DENND5A: variants seen among roughly 807,000 people sequenced by gnomAD.
DENND5A encodes the protein DENN domain-containing protein 5A.
A neutral mutation model predicts 140.3 loss-of-function variants in DENND5A; 64 were observed. The ratio of observed to expected loss-of-function variants is 0.46; its 90% CI spans 0.37 to 0.56. The LOEUF (loss-of-function observed/expected upper bound fraction) is 0.56, where lower values mean the gene tolerates loss of function less well. DENND5A is among the 20% of genes least tolerant of loss of function. The probability of loss-of-function intolerance (pLI) is 0.00; values close to 1 mark genes in which losing one functional copy is unlikely to be tolerated. For missense variants in DENND5A, 1,292 were observed against 1,593.8 expected, an observed-to-expected ratio of 0.81 and a Z score of 3.22; for synonymous variants, 605 against 607.7, an observed-to-expected ratio of 1.00 and a Z score of 0.07.
At chr11:9,196,154 T>C (rs1849321135) in intron 4 of DENND5A, among the ~76,000 whole-genome samples, 2 of 152,142 alleles carry the variant, frequency 1.3e-5, no homozygotes. Flanking sequence ...AGTTTCATCA[T>C]GTTGGCAAGG....
In DENND5A at chr11:9,259,155, G is replaced by T. The variant is rs111619184; in HGVS notation, c.109+5806C>A. 2.3e-3 allele frequency among the ~76,000 whole-genome samples: 350 copies of T among 152,172 alleles called. 2 individuals are homozygous for T. The highest frequency in any genetic ancestry group is 8.0e-3 in the African/African-American group (333 of 41,484). On this transcript the variant is annotated intron_variant, in intron 1 of 22. Transcript: ENST00000328194. ...CATGCCTGTAATCCCAGCTACTTGAGAGGCTGAGGCAGGAGAATCGCTTGA... is the reference window on the plus strand; with the variant it reads ...CATGCCTGTAATCCCAGCTACTTGATAGGCTGAGGCAGGAGAATCGCTTGA...
intron 17 of DENND5A, 42 bp from the exon 18 acceptor site, chr11:9,145,155 G>A (rs749641555): frequency 6.9e-7 from 1 of 1,443,398 alleles, no homozygotes; most frequent in East Asian, 2.3e-5. Flanking sequence ...AGGAAAATCA[G>A]AGAAAAGAAC....
At chr11:9,192,024 T>G (rs1849143619) in intron 5 of DENND5A, among the ~76,000 whole-genome samples, 1 of 152,210 alleles carries the variant, frequency 6.6e-6, no homozygotes. Context: ...TAGATTTTTT[T>G]TCCTTAATTA....
chr11:9,161,011 A>T, intron 11 of DENND5A, 146 bp from the exon 12 acceptor site: 2 of 790,050 alleles, frequency 2.5e-6, no homozygotes, highest in Admixed American at 5.1e-5. Flanking sequence ...ATATATTTAT[A>T]CCCATGTAGG....
At chr11:9,236,003 G>A (rs1850984377) in intron 1 of DENND5A, among the ~76,000 whole-genome samples, 1 of 152,126 alleles carries the variant, frequency 6.6e-6, no homozygotes, top group South Asian at 2.1e-4. Flanking sequence ...CACTTTGGGA[G>A]GACAAGACAA....
At chr11:9,264,063 C>T (rs1231889372) in intron 1 of DENND5A, among the ~76,000 whole-genome samples, 1 of 152,084 alleles carries the variant, frequency 6.6e-6, no homozygotes, top group Non-Finnish European at 1.5e-5. Flanking sequence ...CCACTTGAAA[C>T]CCACTAACTG....
chr11:9,176,626 G>A (rs774444447), intron 8 of DENND5A: 8 of 200,054 alleles, frequency 4.0e-5, no homozygotes, highest in African/African-American at 1.9e-4. Flanking sequence ...AGAAAAAGTA[G>A]AGATTATTGA....
intron 1 of DENND5A, among the ~76,000 whole-genome samples, chr11:9,212,991 C>T (rs976220218): frequency 6.9e-6 from 1 of 144,540 alleles, no homozygotes; most frequent in Non-Finnish European, 1.5e-5. Flanking sequence ...ATGTCAAGTT[C>T]CTGGTTCTGA....
At chr11:9,250,280 A>AG (rs1851665974) in intron 1 of DENND5A, among the ~76,000 whole-genome samples, 1 of 152,062 alleles carries the variant, frequency 6.6e-6, no homozygotes, top group Non-Finnish European at 1.5e-5. Flanking sequence ...CCAAAAAAAA[A>AG]AAAGTTTCTT....
At chr11:9,230,093 T>A (rs896999348) in intron 1 of DENND5A, among the ~76,000 whole-genome samples, 13 of 151,412 alleles carry the variant, frequency 8.6e-5, no homozygotes, top group African/African-American at 2.9e-4. Flanking sequence ...GTATTTTTAG[T>A]AGAGACGGGG....
chr11:9,252,332 C>G (rs1206344731), intron 1 of DENND5A, among the ~76,000 whole-genome samples: 1 of 143,942 alleles, frequency 6.9e-6, no homozygotes, highest in Non-Finnish European at 1.5e-5. Context: ...ATATAAAAAT[C>G]TGGCCGTAAT....
At chr11:9,189,052 G>A (rs185225590) in intron 5 of DENND5A, among the ~76,000 whole-genome samples, 207 of 152,288 alleles carry the variant, frequency 1.4e-3, no homozygotes, top group African/African-American at 4.1e-3. Flanking sequence ...AAGTGGTTTC[G>A]TGGGCCTGAC....
Position 9,207,723 on chromosome 11 carries a change from A to G in DENND5A, c.110-91T>C. The G allele has an allele frequency of 5.3e-6, 5 of 944,772 alleles. No homozygotes were observed. In the East Asian group the frequency reaches 7.3e-5, roughly 14 times the overall value. 58.5% of individuals were successfully genotyped at this position (944,772 alleles called of 1,614,324 possible). ...TATTCCAGTACAAATTACATTTTAC[A>G]TTATGAAACAATAAACACATACATG... On this transcript the variant is annotated intron_variant, in intron 1 of 22. Transcript: ENST00000328194.
intron 19 of DENND5A, among the ~76,000 whole-genome samples, chr11:9,143,804 GAGTCCAGAA>G (rs1423137445): frequency 1.3e-5 from 2 of 152,224 alleles, no homozygotes; most frequent in Non-Finnish European, 2.9e-5. Context: ...CAGGCAGGGG[GAGTCCAGAA>G]AGTAGGCCCC....
chr11:9,183,586 T>C (rs1197854191), intron 5 of DENND5A, among the ~76,000 whole-genome samples: 1 of 152,026 alleles, frequency 6.6e-6, no homozygotes, highest in African/African-American at 2.4e-5. Context: ...CTAATTGTTG[T>C]TGTTGAGACA....
chr11:9,142,229 A>G lies in DENND5A; in HGVS notation c.3512-121T>C, dbSNP rs150432920. On this transcript the variant is annotated intron_variant, in intron 21 of 22. Transcript: ENST00000328194. ...CAGGTAACTTAATGAGAATAGCACA[A>G]GTGTTCTGATGTCACTGGTCATGTT... 9.1e-5 allele frequency: 66 copies of G among 724,046 alleles called. No homozygotes were observed. The Middle Eastern group carries it at 1.2e-3, about 13-fold the overall frequency. The allele number at this position is 724,046 out of a possible 1,614,324, so 44.9% of individuals were successfully genotyped here. A position where few individuals can be genotyped will look rare whatever the true frequency, so the allele number is the denominator to read the frequency against.
intron 1 of DENND5A, among the ~76,000 whole-genome samples, chr11:9,227,888 C>T (rs774807598): frequency 6.6e-6 from 1 of 151,514 alleles, no homozygotes; most frequent in Non-Finnish European, 1.5e-5. Context: ...GGGCGGGTGG[C>T]GAATCACGAG....
intron 5 of DENND5A, among the ~76,000 whole-genome samples, chr11:9,188,458 T>C (rs1012842034): frequency 1.3e-5 from 2 of 152,136 alleles, no homozygotes; most frequent in Admixed American, 6.6e-5. Flanking sequence ...ACATTGAAAC[T>C]GGGTGTCAGG....
At chr11:9,148,968 CTG>C (rs1432910149) in intron 15 of DENND5A, among the ~76,000 whole-genome samples, 1 of 152,194 alleles carries the variant, frequency 6.6e-6, no homozygotes, top group Non-Finnish European at 1.5e-5. Flanking sequence ...AAAGCCAACA[CTG>C]TGCAAAGAGT....
Sources: allele counts gnomAD v4.1 joint callset (sites outside exome capture counted in the v4.1 genomes callset), GRCh38; gene constraint gnomAD v4.1.1; transcripts MANE v1.5; gene names NCBI Gene and HGNC (gene_info 2026-07-23, HGNC 2026-07-21).